WDR7: variants seen among roughly 807,000 people sequenced by gnomAD.
WDR7 encodes WD repeat-containing protein 7.
WDR7 carries 46 observed loss-of-function variants against 169.4 expected under a neutral mutation model. That is an observed-to-expected ratio of 0.27 (90% confidence interval 0.21 to 0.35). The LOEUF is 0.35. Ranked by LOEUF, WDR7 falls within the 10% of genes least tolerant of loss-of-function variation. WDR7 has a pLI of 1.00. For missense variants in WDR7, 1,534 were observed against 1,859.3 expected, an observed-to-expected ratio of 0.83 and a Z score of 3.22; for synonymous variants, 612 against 666.8, an observed-to-expected ratio of 0.92 and a Z score of 1.27.
chr18:56,866,449 A>G (rs991593294), intron 20 of WDR7, among the ~76,000 whole-genome samples: 2 of 151,964 alleles, frequency 1.3e-5, no homozygotes, highest in Non-Finnish European at 2.9e-5. Context: ...TAAAAGGTGG[A>G]CTTCAGTTTT....
chr18:56,771,060 C>A (rs1303694615), intron 16 of WDR7, among the ~76,000 whole-genome samples: 1 of 152,154 alleles, frequency 6.6e-6, no homozygotes, highest in Non-Finnish European at 1.5e-5. Flanking sequence ...CTGACCCAAA[C>A]AATTATGTCC....
intron 14 of WDR7, among the ~76,000 whole-genome samples, chr18:56,749,095 A>G (rs2043747882): frequency 6.6e-6 from 1 of 152,050 alleles, no homozygotes; most frequent in Non-Finnish European, 1.5e-5. Flanking sequence ...TTATTCAGTG[A>G]CCGTTTTACA....
rs535085123 is a variant in WDR7, at chr18:56,730,721, G to A, written c.1775-662G>A. ...GCGGAACTTGTAGTGAGCCAAGATCGCGCCATTGCACTCCAGCCTGGGCGA... is the reference window on the plus strand; with the variant it reads ...GCGGAACTTGTAGTGAGCCAAGATCACGCCATTGCACTCCAGCCTGGGCGA... On this transcript the variant is annotated intron_variant, in intron 13 of 27. Coordinates refer to ENST00000254442, the MANE Select transcript of WDR7 (RefSeq NM_015285.3). 5.9e-5 allele frequency among the ~76,000 whole-genome samples: 9 copies of A among 152,152 alleles called. No individual in the cohort carries two copies. In the South Asian group the frequency reaches 1.4e-3, roughly 25 times the overall value.
intron 21 of WDR7, among the ~76,000 whole-genome samples, chr18:56,898,284 A>G (rs549283945): frequency 1.3e-5 from 2 of 152,184 alleles, no homozygotes; most frequent in East Asian, 1.9e-4. Flanking sequence ...AGGATAAGGG[A>G]CAGCTCTTAC....
rs745432156 is a variant in WDR7, at chr18:56,938,586, CACA to C, written c.3891_3893del (p.Thr1298del). Reference sequence around the variant, plus strand: ...ATACCCAATCACAGCAGAATATGCACACAACAACTCTTGCACGAGCTAAAGGGG... The same window carrying C: ...ATACCCAATCACAGCAGAATATGCACACAACTCTTGCACGAGCTAAAGGGG... On this transcript the variant is annotated inframe_deletion, in exon 24 of 28. Transcript: ENST00000254442. The C allele has an allele frequency of 1.9e-6, 3 of 1,613,846 alleles. No individual in the cohort carries two copies. The highest frequency in any genetic ancestry group is 2.2e-5 in the South Asian group (2 of 91,056).
intron 5 of WDR7, among the ~76,000 whole-genome samples, chr18:56,683,773 G>A (rs1044709518): frequency 3.3e-5 from 5 of 152,170 alleles, no homozygotes; most frequent in African/African-American, 1.2e-4. Context: ...CCTCCCATTA[G>A]TGAATTGCCT....
intron 14 of WDR7, among the ~76,000 whole-genome samples, chr18:56,743,720 G>A (rs530536133): frequency 1.9e-3 from 287 of 152,254 alleles, no homozygotes; most frequent in Non-Finnish European, 3.5e-3. Flanking sequence ...GAGAAGAGAA[G>A]GAAAGAGAGT....
rs144638920 is a variant in WDR7 at position 56,852,078 on chromosome 18, C to G, written c.3305-27866C>G. 3.4e-4 allele frequency among the ~76,000 whole-genome samples: 52 copies of G among 152,158 alleles called. 1 individual carries two copies. Among genetic ancestry groups the G allele is most frequent in the African/African-American group, 1.2e-3 (48 of 41,512 alleles). On this transcript the variant is annotated intron_variant, in intron 20 of 27. Coordinates refer to ENST00000254442, the MANE Select transcript of WDR7 (RefSeq NM_015285.3). ...CCAAACATGTCTTAGTCTTTCATTCCTCCATGCCTGTTCACTTGCTTTCCT... is the reference window on the plus strand; with the variant it reads ...CCAAACATGTCTTAGTCTTTCATTCGTCCATGCCTGTTCACTTGCTTTCCT...
chr18:56,732,586 C>T (rs2026611374), intron 14 of WDR7, among the ~76,000 whole-genome samples: 1 of 152,122 alleles, frequency 6.6e-6, no homozygotes, highest in Non-Finnish European at 1.5e-5. Context: ...TCCAGTAGTT[C>T]GCAGTAATGT....
At chr18:56,905,805 C>A (rs2046468648) in intron 21 of WDR7, among the ~76,000 whole-genome samples, 1 of 151,902 alleles carries the variant, frequency 6.6e-6, no homozygotes, top group Non-Finnish European at 1.5e-5. Flanking sequence ...GAAATAGGAA[C>A]CTATCAAATT....
At chr18:56,795,712 A>T (rs930716680) in intron 19 of WDR7, among the ~76,000 whole-genome samples, 2 of 152,142 alleles carry the variant, frequency 1.3e-5, no homozygotes, top group African/African-American at 4.8e-5. Context: ...TCAGATTCAG[A>T]TATGCACCCC....
At chr18:56,748,949 T>TCTTC (rs900014309) in intron 14 of WDR7, among the ~76,000 whole-genome samples, 5 of 151,930 alleles carry the variant, frequency 3.3e-5, no homozygotes, top group African/African-American at 9.6e-5. Flanking sequence ...CCTTTCTCCT[T>TCTTC]CTTCCTTCCT....
intron 1 of WDR7, among the ~76,000 whole-genome samples, chr18:56,668,499 A>T (rs2025067179): frequency 6.6e-6 from 1 of 152,186 alleles, no homozygotes; most frequent in Admixed American, 6.5e-5. Flanking sequence ...ACATGTATGT[A>T]AGCCCCACTG....
At chr18:56,803,664 A>T (rs71353981) in intron 19 of WDR7, among the ~76,000 whole-genome samples, 1 of 152,240 alleles carries the variant, frequency 6.6e-6, no homozygotes, top group Non-Finnish European at 1.5e-5. Context: ...AAAGAGAATA[A>T]CAATAAGCAA....
intron 12 of WDR7, among the ~76,000 whole-genome samples, chr18:56,702,765 C>G (rs1269576646): frequency 6.6e-6 from 1 of 151,972 alleles, no homozygotes; most frequent in Non-Finnish European, 1.5e-5. Flanking sequence ...AAATTCAGAC[C>G]CTGGTTTACT....
At chr18:56,835,332 C>G (rs1247413610) in intron 20 of WDR7, among the ~76,000 whole-genome samples, 1 of 152,152 alleles carries the variant, frequency 6.6e-6, no homozygotes, top group Non-Finnish European at 1.5e-5. Flanking sequence ...TCTTCAGATG[C>G]TGTACTAAGA....
chr18:56,757,072 C>T lies in WDR7; in HGVS notation c.2479C>T (p.Leu827=), dbSNP rs758300016. The change falls in exon 15 of 28, where the codon CTG becomes TTG. Residue 827 remains leucine, a synonymous_variant. Coordinates refer to ENST00000254442, the MANE Select transcript of WDR7 (RefSeq NM_015285.3). ...DEVCLDRLGM[L]KPHCTVSFGL... ...AGTTTGCCTGGATCGCCTTGGAATG[C>T]TGAAACCCCACTGCACCGTATCGTT... 3 of 1,614,142 alleles carry T rather than the reference C, an allele frequency of 1.9e-6. No individual in the cohort carries two copies. Among genetic ancestry groups the T allele is most frequent in the Non-Finnish European group, 2.5e-6 (3 of 1,180,004 alleles).
chr18:56,719,787 C>G (rs745313238), intron 13 of WDR7, among the ~76,000 whole-genome samples: 3 of 152,116 alleles, frequency 2.0e-5, no homozygotes, highest in Non-Finnish European at 4.4e-5. Context: ...GTGATCTATT[C>G]CAAGTCACTG....
chr18:57,022,909 G>C (rs2048310775), intron 27 of WDR7, among the ~76,000 whole-genome samples: 1 of 152,230 alleles, frequency 6.6e-6, no homozygotes. Flanking sequence ...TTTGCACACA[G>C]TGGGGCTGCA....
Sources: allele counts gnomAD v4.1 joint callset (sites outside exome capture counted in the v4.1 genomes callset), GRCh38; gene constraint gnomAD v4.1.1; transcripts MANE v1.5; gene names NCBI Gene and HGNC (gene_info 2026-07-23, HGNC 2026-07-21).